Variants in EPC1 observed in about 807,000 individuals in gnomAD.
EPC1 encodes enhancer of polycomb homolog 1.
EPC1 carries 12 observed loss-of-function variants against 98.4 expected under a neutral mutation model. The ratio of observed to expected loss-of-function variants is 0.12; its 90% CI spans 0.08 to 0.20. The LOEUF is 0.20. Ranked by LOEUF, EPC1 falls within the 10% of genes least tolerant of loss-of-function variation. EPC1 has a pLI of 1.00. For synonymous variants in EPC1, 357 were observed against 363.9 expected, an observed-to-expected ratio of 0.98 and a Z score of 0.21; for missense variants, 729 against 990.5, an observed-to-expected ratio of 0.74 and a Z score of 3.54.
intron 1 of EPC1, among the ~76,000 whole-genome samples, chr10:32,355,626 T>G (rs1000005418): frequency 2.4e-3 from 256 of 106,208 alleles, no homozygotes; most frequent in Middle Eastern, 4.3e-3. Flanking sequence ...TTTTTTTTTT[T>G]TTTTTTTTTT....
chr10:32,307,646 G>C (rs1835951897), intron 1 of EPC1, among the ~76,000 whole-genome samples: 1 of 152,194 alleles, frequency 6.6e-6, no homozygotes, highest in Non-Finnish European at 1.5e-5. Context: ...GGGGAAAACA[G>C]TGTCACTAAA....
intron 1 of EPC1, among the ~76,000 whole-genome samples, chr10:32,357,159 A>G (rs1839303571): frequency 2.0e-5 from 3 of 152,178 alleles, no homozygotes. Flanking sequence ...AGCGCCTCCC[A>G]TGTTAGAACA....
intron 6 of EPC1, among the ~76,000 whole-genome samples, chr10:32,288,291 A>G (rs1836798426): frequency 6.7e-6 from 1 of 148,996 alleles, no homozygotes; most frequent in South Asian, 2.1e-4. Flanking sequence ...TGAGGACTAC[A>G]TTATTATCTA....
At chr10:32,349,842 C>T (rs61653680), upstream of EPC1, among the ~76,000 whole-genome samples, 1,403 of 152,276 alleles carry the variant, frequency 9.2e-3, 30 homozygotes, top group African/African-American at 0.032. Context: ...TCAAGCAGTC[C>T]TCCCACCTCG....
chr10:32,366,406 TA>T (rs1839605743), intron 1 of EPC1, among the ~76,000 whole-genome samples: 2 of 152,330 alleles, frequency 1.3e-5, no homozygotes, highest in Admixed American at 1.3e-4. Flanking sequence ...GATATCTTTA[TA>T]TGCCCAGATT....
intron 1 of EPC1, among the ~76,000 whole-genome samples, chr10:32,368,439 C>G (rs780829916): frequency 8.5e-5 from 13 of 152,198 alleles, no homozygotes; most frequent in Non-Finnish European, 1.9e-4. Flanking sequence ...CTTTCTCTAC[C>G]TGGAAGGTCT....
At chr10:32,336,887 A>G (rs2133004553) in intron 1 of EPC1, among the ~76,000 whole-genome samples, 1 of 152,344 alleles carries the variant, frequency 6.6e-6, no homozygotes, top group African/African-American at 2.4e-5. Flanking sequence ...TTCAAATGAA[A>G]TAATTCTACA....
chr10:32,273,625 G>T (rs904857782), intron 10 of EPC1, among the ~76,000 whole-genome samples: 1 of 151,968 alleles, frequency 6.6e-6, no homozygotes, highest in African/African-American at 2.4e-5. Flanking sequence ...AAAATCCATA[G>T]ATTTGGAATT....
intron 1 of EPC1, among the ~76,000 whole-genome samples, chr10:32,361,022 G>A (rs1340129901): frequency 6.6e-6 from 1 of 152,162 alleles, no homozygotes; most frequent in Non-Finnish European, 1.5e-5. Flanking sequence ...AAAGGCCAAG[G>A]GAGCACTCTC....
At chr10:32,324,719 C>T (rs1837161852) in intron 1 of EPC1, among the ~76,000 whole-genome samples, 1 of 151,776 alleles carries the variant, frequency 6.6e-6, no homozygotes, top group South Asian at 2.1e-4. Context: ...TTTAGCCGGG[C>T]GCGGTGGCTC....
At chr10:32,271,017 CAG>C (rs1835816320) in intron 13 of EPC1, among the ~76,000 whole-genome samples, 3 of 147,064 alleles carry the variant, frequency 2.0e-5, no homozygotes, top group Non-Finnish European at 3.0e-5. Context: ...TTTTTTGAGA[CAG>C]AGTTTAGCTC....
intron 1 of EPC1, chr10:32,374,394 T>C (rs1839829388): frequency 6.6e-6 from 1 of 152,186 alleles, no homozygotes; most frequent in Admixed American, 6.5e-5. Flanking sequence ...TTTCATCAAA[T>C]GGATCTCAGA....
chr10:32,355,414 A>G (rs1032403022), intron 1 of EPC1, among the ~76,000 whole-genome samples: 1 of 152,164 alleles, frequency 6.6e-6, no homozygotes, highest in Non-Finnish European at 1.5e-5. Flanking sequence ...AAAATGTACA[A>G]ATTAAACTGT....
At chr10:32,293,232 A>G (rs1419502020) in intron 3 of EPC1, 38 bp from the exon 4 acceptor site, 5 of 1,437,926 alleles carry the variant, frequency 3.5e-6, no homozygotes, top group Non-Finnish European at 4.8e-6. Context: ...CATACAATAC[A>G]CATACAAGGT....
chr10:32,352,012 A>G (rs996093060), upstream of EPC1, among the ~76,000 whole-genome samples: 2 of 146,886 alleles, frequency 1.4e-5, no homozygotes, highest in Non-Finnish European at 3.0e-5. Flanking sequence ...CTGGGATGAC[A>G]GGCATGAACC....
intron 1 of EPC1, among the ~76,000 whole-genome samples, chr10:32,329,282 G>A (rs1276908596): frequency 6.6e-6 from 1 of 152,206 alleles, no homozygotes; most frequent in Non-Finnish European, 1.5e-5. Context: ...GATAAAGGCT[G>A]CTCTGCCTGT....
chr10:32,282,929 G>A (rs1836484336), intron 10 of EPC1: 1 of 152,132 alleles, frequency 6.6e-6, no homozygotes, highest in Non-Finnish European at 1.5e-5. Flanking sequence ...CTATAAGTAA[G>A]TCTTTATTGA....
At position 32,285,035 on chromosome 10, in the gene EPC1, T is replaced by C. The variant is rs73245648; in HGVS notation, c.1407A>G (p.Arg469=). ...ACACACTGTCATAGTCTGAATGAGC[T>C]CTGTCCAGTAAGACCCTATTAAAAA... ...VGRGGRVLLD[R]AHSDYDSVFH... The change falls in exon 10 of 14, where the codon AGA becomes AGG. Residue 469 remains arginine, a synonymous_variant. Coordinates refer to ENST00000319778, the MANE Select transcript of EPC1 (RefSeq NM_001272004.3). The C allele has an allele frequency of 0.011, 17,252 of 1,613,532 alleles. 1,296 individuals are homozygous for C. The African/African-American group carries it at 0.18, about 17-fold the overall frequency.
At chr10:32,332,257 A>G (rs1393274943) in intron 1 of EPC1, among the ~76,000 whole-genome samples, 1 of 152,206 alleles carries the variant, frequency 6.6e-6, no homozygotes, top group African/African-American at 2.4e-5. Context: ...GGAAAGGAAA[A>G]GCATTTGGGG....
Sources: allele counts gnomAD v4.1 joint callset (sites outside exome capture counted in the v4.1 genomes callset), GRCh38; gene constraint gnomAD v4.1.1; transcripts MANE v1.5; gene names NCBI Gene and HGNC (gene_info 2026-07-23, HGNC 2026-07-21).